The following AFAP1 variants were observed in gnomAD, a reference collection of about 807,000 sequenced individuals.
AFAP1 encodes actin filament-associated protein 1.
AFAP1 carries 75 observed loss-of-function variants against 93.9 expected under a neutral mutation model. That is an observed-to-expected ratio of 0.80 (90% CI 0.66 to 0.97). AFAP1 has a LOEUF of 0.97. Among genes scored for constraint, AFAP1 ranks in the 50% least tolerant of loss-of-function variants. The pLI is 0.00. For missense variants in AFAP1, 1,201 were observed against 1,050.8 expected (o/e 1.14, Z -1.98); for synonymous variants, 517 against 430.7 (o/e 1.20, Z -2.48).
intron 4 of AFAP1, among the ~76,000 whole-genome samples, chr4:7,854,678 TAC>T (rs1411348276): frequency 6.6e-6 from 1 of 152,072 alleles, no homozygotes; most frequent in African/African-American, 2.4e-5. Context: ...GCCTCCTGAG[TAC>T]AGTCAGCAAC....
intron 4 of AFAP1, among the ~76,000 whole-genome samples, chr4:7,853,238 A>G (rs968266181): frequency 1.3e-5 from 2 of 150,836 alleles, no homozygotes; most frequent in African/African-American, 4.9e-5. Flanking sequence ...CAGACTCTGC[A>G]TGGGTGCCAA....
At chr4:7,924,298 G>A (rs906626123) in intron 1 of AFAP1, among the ~76,000 whole-genome samples, 2 of 152,092 alleles carry the variant, frequency 1.3e-5, no homozygotes, top group Admixed American at 1.3e-4. Flanking sequence ...TACCAACAAA[G>A]GTTACACAAA....
intron 4 of AFAP1, among the ~76,000 whole-genome samples, chr4:7,848,424 G>C (rs1714064478): frequency 6.6e-6 from 1 of 152,162 alleles, no homozygotes; most frequent in Non-Finnish European, 1.5e-5. Flanking sequence ...CTCTCCGTCT[G>C]AGAGGGAGGT....
chr4:7,923,634 A>G (rs1720555279), intron 1 of AFAP1, among the ~76,000 whole-genome samples: 1 of 152,122 alleles, frequency 6.6e-6, no homozygotes, highest in Non-Finnish European at 1.5e-5. Context: ...ACATGCCACC[A>G]CGCCCAACTA....
chr4:7,774,713 T>C, intron 15 of AFAP1, 26 bp downstream of exon 15: 1 of 1,611,228 alleles, frequency 6.2e-7, no homozygotes, highest in Non-Finnish European at 8.5e-7. Flanking sequence ...ACATGCACCC[T>C]GGGCAGTCAC....
intron 1 of AFAP1, among the ~76,000 whole-genome samples, chr4:7,873,110 G>A (rs1332498267): frequency 6.6e-6 from 1 of 150,588 alleles, no homozygotes; most frequent in African/African-American, 2.4e-5. Flanking sequence ...GGGCGTGGTG[G>A]CATGTGCCTG....
intron 4 of AFAP1, among the ~76,000 whole-genome samples, chr4:7,851,839 G>A (rs1480003779): frequency 6.6e-6 from 1 of 152,058 alleles, no homozygotes; most frequent in Admixed American, 6.6e-5. Context: ...TGTTATCACT[G>A]GTCCACTTCC....
chr4:7,898,660 A>G (rs1467258559), intron 1 of AFAP1, among the ~76,000 whole-genome samples: 15 of 128,470 alleles, frequency 1.2e-4, no homozygotes, highest in East Asian at 4.0e-4. Context: ...AAAAGAAGAA[A>G]AAAAAAAAAA....
intron 1 of AFAP1, among the ~76,000 whole-genome samples, chr4:7,910,225 A>C (rs1200385385): frequency 1.3e-5 from 2 of 152,152 alleles, no homozygotes; most frequent in Admixed American, 1.3e-4. Flanking sequence ...CACTGTCCTA[A>C]CAGGAGTCGA....
chr4:7,788,605 A>C (rs1433127050), intron 11 of AFAP1: 2 of 152,270 alleles, frequency 1.3e-5, no homozygotes, highest in Admixed American at 6.5e-5. Flanking sequence ...CAAGAAGGAA[A>C]GGCACAGCAA....
chr4:7,771,584 C>T (rs1431165218), intron 16 of AFAP1, among the ~76,000 whole-genome samples: 1 of 152,134 alleles, frequency 6.6e-6, no homozygotes, highest in Non-Finnish European at 1.5e-5. Context: ...CTTCGGTGGG[C>T]ACTGTGCCAA....
chr4:7,833,371 T>C (rs961196924), intron 6 of AFAP1, among the ~76,000 whole-genome samples: 9 of 152,134 alleles, frequency 5.9e-5, no homozygotes, highest in East Asian at 1.9e-4. Context: ...AAAGAAGTTA[T>C]AGAAATGGCC....
chr4:7,878,711 A>C (rs888415030), intron 1 of AFAP1, among the ~76,000 whole-genome samples: 1 of 152,216 alleles, frequency 6.6e-6, no homozygotes, highest in African/African-American at 2.4e-5. Flanking sequence ...TAATCTTCAT[A>C]ATAACCTTTC....
In AFAP1 at chr4:7,912,135, C is replaced by T. The variant is rs116712519; in HGVS notation, c.-3+27521G>A. 1.6e-3 allele frequency among the ~76,000 whole-genome samples: 240 copies of T among 152,286 alleles called. 2 individuals carry two copies. The highest frequency in any genetic ancestry group is 5.6e-3 in the African/African-American group (234 of 41,554). On this transcript the variant is annotated intron_variant, in intron 1 of 17. Coordinates refer to ENST00000420658, the MANE Select transcript of AFAP1 (RefSeq NM_001134647.2). ...AGTTTGAAAGACCGATGAACAAGGA[C>T]GTCATTAACTATTGCAAAGTGGTAT... is the stretch of plus-strand genomic sequence containing the variant.
chr4:7,830,303 G>A (rs1258751238), intron 6 of AFAP1, among the ~76,000 whole-genome samples: 2 of 148,992 alleles, frequency 1.3e-5, no homozygotes, highest in African/African-American at 5.0e-5. Context: ...TGGCAGAGTT[G>A]GTGATGCTGA....
intron 2 of AFAP1, among the ~76,000 whole-genome samples, chr4:7,869,727 T>C (rs1716854019): frequency 6.6e-6 from 1 of 152,120 alleles, no homozygotes; most frequent in Admixed American, 6.5e-5. Context: ...AGTACTACAC[T>C]AGAGGCCAGG....
At chr4:7,796,831 G>A (rs779301883) in intron 10 of AFAP1, among the ~76,000 whole-genome samples, 12 of 151,714 alleles carry the variant, frequency 7.9e-5, no homozygotes, top group East Asian at 7.7e-4. Flanking sequence ...AGACCAAGGC[G>A]GGCAGTTCAC....
intron 3 of AFAP1, among the ~76,000 whole-genome samples, chr4:7,862,566 C>T (rs988645307): frequency 2.6e-5 from 4 of 152,112 alleles, no homozygotes; most frequent in Admixed American, 1.3e-4. Context: ...TTGAACCGTA[C>T]ACTAAAAATG....
At chr4:7,921,218 C>G (rs572243718) in intron 1 of AFAP1, among the ~76,000 whole-genome samples, 3 of 116,602 alleles carry the variant, frequency 2.6e-5, no homozygotes, top group South Asian at 2.9e-4. Context: ...GAGTCTTGCT[C>G]TGTTGCCCAG....
Sources: gnomAD v4.1 joint callset for allele counts (sites outside exome capture counted in the v4.1 genomes callset) on GRCh38, gnomAD v4.1.1 for gene constraint, MANE v1.5 for transcripts, NCBI Gene and HGNC (gene_info 2026-07-23, HGNC 2026-07-21) for gene names.